CCNE1: variants seen among roughly 807,000 people sequenced by gnomAD.
The protein encoded by CCNE1 is G1/S-specific cyclin-E1.
Under a neutral mutation model 54.1 loss-of-function variants are expected in CCNE1, and 8 were observed. The observed-to-expected ratio is 0.15, with a 90% CI of 0.09 to 0.27. The LOEUF (loss-of-function observed/expected upper bound fraction) is 0.27, where lower values mean the gene tolerates loss of function less well. Ranked by LOEUF, CCNE1 falls within the 10% of genes least tolerant of loss-of-function variation. CCNE1 has a pLI of 1.00. For synonymous variants in CCNE1, 179 were observed against 185.2 expected (o/e 0.97, Z 0.27); for missense variants, 430 against 514.9 (o/e 0.84, Z 1.60).
rs372635299 is a variant in CCNE1, at chr19:29,820,772, C to T, written c.533C>T (p.Ala178Val). 30 of 1,608,190 alleles carry T rather than the reference C, an allele frequency of 1.9e-5. No individual in the cohort carries two copies. The highest frequency in any genetic ancestry group is 1.8e-5 in the Non-Finnish European group (21 of 1,175,572). Residue 178 changes from alanine (A) to valine (V), a missense_variant, in exon 7 of 12, where the codon GCG (alanine) becomes GTG (valine). Around this residue, in one of 2 missense-constraint regions of CCNE1, gnomAD observed 303 missense variants for 401.1 expected, o/e 0.76. Coordinates refer to ENST00000262643, the MANE Select transcript of CCNE1 (RefSeq NM_001238.4). The part of the protein sequence containing the change: ...LAQDFFDRYM[A>V]TQENVVKTLL... ...CAAGATTTCTTTGACCGGTATATGG[C>T]GACACAAGAAAATGTTGTAAAAACT...
Position 29,816,448 on chromosome 19 carries a change from G to A in CCNE1, c.181-689G>A, listed in dbSNP as rs538528215. Among the ~76,000 whole-genome samples, 5 of 152,248 alleles carry A rather than the reference G, an allele frequency of 3.3e-5. No individual in the cohort carries two copies. The East Asian group carries it at 9.6e-4, about 29-fold the overall frequency. ...ATTTGAATTACCCTGCAAGACTCAG[G>A]AGATTCAGAGGTCTTAAGGAGTGTC... On this transcript the variant is annotated intron_variant, in intron 4 of 11. Coordinates refer to ENST00000262643, the MANE Select transcript of CCNE1 (RefSeq NM_001238.4).
At position 29,817,285 on chromosome 19, in the gene CCNE1, C is replaced by T. The variant is rs760714380; in HGVS notation, c.326+3C>T. On this transcript the variant is annotated splice_donor_region_variant and intron_variant, in intron 5 of 11. Coordinates refer to ENST00000262643, the MANE Select transcript of CCNE1 (RefSeq NM_001238.4). ...GGCTCCCCGCTGCCTGTACTGAGGT[C>T]AGTGCCGACTCTGCCACATGGCTTC... 5.6e-6 allele frequency: 9 copies of T among 1,614,152 alleles called. No individual in the cohort carries two copies. Among genetic ancestry groups the T allele is most frequent in the South Asian group, 1.1e-5 (1 of 91,072 alleles).
chr19:29,822,238 A>G lies in CCNE1; in HGVS notation c.841-2A>G. On this transcript the variant is annotated splice_acceptor_variant, in intron 9 of 11. Coordinates refer to ENST00000262643, the MANE Select transcript of CCNE1 (RefSeq NM_001238.4). LOFTEE classifies it high-confidence loss of function. ...ATCTCAGCGTTCTTTTCTTCTCCGT[A>G]GCTGTTGGATCTCTGTGTCCTGGAT... The G allele has an allele frequency of 6.2e-7, 1 of 1,613,164 alleles. No individual in the cohort carries two copies. The highest frequency in any genetic ancestry group is 1.1e-5 in the South Asian group (1 of 91,066).
intron 6 of CCNE1, among the ~76,000 whole-genome samples, chr19:29,817,857 C>CTTTTTTTTTTT (rs34598025): frequency 5.2e-5 from 5 of 95,910 alleles, no homozygotes; most frequent in African/African-American, 1.3e-4. Context: ...CATTAAATTG[C>CTTTTTTTTTTT]TTTTTTTTTT....
Position 29,823,808 on chromosome 19 carries a change from GC to G in CCNE1, c.*32del, listed in dbSNP as rs1182857220. ...CCATCCTTCTCCACCAAAGACAGTT[GC>G]GCGCCTGCTCCACGTTCTCTTCTGT... is the stretch of plus-strand genomic sequence containing the variant. On this transcript the variant is annotated 3_prime_UTR_variant, in exon 12 of 12. Coordinates refer to ENST00000262643, the MANE Select transcript of CCNE1 (RefSeq NM_001238.4). The G allele has an allele frequency of 6.3e-7, 1 of 1,585,152 alleles. No individual in the cohort carries two copies. Among genetic ancestry groups the G allele is most frequent in the Admixed American group, 1.8e-5 (1 of 56,004 alleles).
At chr19:29,820,050 C>G (rs938153213) in intron 6 of CCNE1, among the ~76,000 whole-genome samples, 2 of 152,252 alleles carry the variant, frequency 1.3e-5, no homozygotes, top group African/African-American at 4.8e-5. Flanking sequence ...ACTACTCTTG[C>G]CCTGTGGGGC....
chr19:29,819,056 C>T (rs892337432), intron 6 of CCNE1, among the ~76,000 whole-genome samples: 10 of 152,140 alleles, frequency 6.6e-5, no homozygotes, highest in African/African-American at 2.4e-4. Context: ...AGCCACTGCG[C>T]CTGGCCCTTG....
chr19:29,814,027 C>T (rs981797971), intron 4 of CCNE1, among the ~76,000 whole-genome samples: 2 of 152,164 alleles, frequency 1.3e-5, no homozygotes, highest in East Asian at 1.9e-4. Context: ...CAACGCAGTG[C>T]GCCGTGTTCT....
At chr19:29,813,576 T>C (rs997669) in intron 4 of CCNE1, among the ~76,000 whole-genome samples, 44,822 of 152,038 alleles carry the variant, frequency 0.29, 7,762 homozygotes, top group Non-Finnish European at 0.4. Context: ...TGGAAGTTCT[T>C]ATAGCCCCTC....
At chr19:29,818,350 C>T (rs147117444) in intron 6 of CCNE1, among the ~76,000 whole-genome samples, 1,926 of 152,012 alleles carry the variant, frequency 0.013, 22 homozygotes, top group Non-Finnish European at 0.016. Context: ...TTAGAAGAAA[C>T]GGGGTTTCAC....
chr19:29,818,026 ATTTTT>A (rs35607816), intron 6 of CCNE1, among the ~76,000 whole-genome samples: 1 of 84,562 alleles, frequency 1.2e-5, no homozygotes, highest in African/African-American at 4.5e-5. Context: ...CACGCCCAGT[ATTTTT>A]TTTTTTTTTT....
At chr19:29,813,902 G>A (rs1348185777) in intron 4 of CCNE1, among the ~76,000 whole-genome samples, 3 of 152,126 alleles carry the variant, frequency 2.0e-5, no homozygotes, top group African/African-American at 7.2e-5. Flanking sequence ...ACAGATAAAC[G>A]CTGAACAGAA....
At chr19:29,812,601 C>A in intron 2 of CCNE1, 23 bp downstream of exon 2, 1 of 1,533,556 alleles carries the variant, frequency 6.5e-7, no homozygotes, top group Non-Finnish European at 8.8e-7. Context: ...GCCGCGGGGC[C>A]GGACGGGACG....
At chr19:29,818,251 C>T (rs930385996) in intron 6 of CCNE1, among the ~76,000 whole-genome samples, 1 of 152,178 alleles carries the variant, frequency 6.6e-6, no homozygotes. Context: ...TGGTCTCGAT[C>T]TCCTGACCTC....
chr19:29,822,449 A>G lies in CCNE1; in HGVS notation c.956A>G (p.Tyr319Cys). 1 of 1,613,996 alleles carries G rather than the reference A, an allele frequency of 6.2e-7. No homozygotes were observed. Among genetic ancestry groups the G allele is most frequent in the Non-Finnish European group, 8.5e-7 (1 of 1,179,898 alleles). Reference sequence around the variant, plus strand: ...GCCCACGATGTCTTCACTGCAGGGTATCAGTGGTGCGACATAGAGAACTGT... The same window carrying G: ...GCCCACGATGTCTTCACTGCAGGGTGTCAGTGGTGCGACATAGAGAACTGT... ...SSELMQKVSG[Y>C]QWCDIENCVK... Residue 319 changes from tyrosine (Y) to cysteine (C), a missense_variant, in exon 11 of 12, where the codon TAT (tyrosine) becomes TGT (cysteine). This residue lies in a region of CCNE1 where 303 missense variants were observed against 401.1 expected (regional missense o/e 0.76). Coordinates refer to ENST00000262643, the MANE Select transcript of CCNE1 (RefSeq NM_001238.4).
intron 7 of CCNE1, 82 bp from the exon 8 acceptor site, chr19:29,821,640 G>A (rs1974148598): frequency 1.4e-6 from 1 of 699,180 alleles, no homozygotes. Context: ...CCAGGGTACT[G>A]AGAAGTCATT....
chr19:29,815,370 G>T (rs1018190788), intron 4 of CCNE1, among the ~76,000 whole-genome samples: 10 of 152,334 alleles, frequency 6.6e-5, no homozygotes, highest in African/African-American at 2.4e-4. Flanking sequence ...AGCCTTGCTC[G>T]CACAGCTGTT....
rs1352246042 is a variant in CCNE1 at position 29,817,463 on chromosome 19, A to G, written c.384A>G (p.Leu128=). 1 of 1,614,080 alleles carries G rather than the reference A, an allele frequency of 6.2e-7. No homozygotes were observed. Among genetic ancestry groups the G allele is most frequent in the East Asian group, 2.2e-5 (1 of 44,906 alleles). The part of the protein sequence containing the change: ...KIMLNKEKTY[L]RDQHFLEQHP... The stretch of plus-strand genomic sequence containing the variant: ...TGTTAAACAAGGAAAAGACATACTT[A>G]AGGGATCAGCACTTTCTTGAGCAAC... Residue 128 remains leucine, a synonymous_variant, in exon 6 of 12, where the codon TTA becomes TTG. Transcript: ENST00000262643.
chr19:29,817,110 C>T (rs566527651), intron 4 of CCNE1, 27 bp from the exon 5 acceptor site: 1 of 1,609,546 alleles, frequency 6.2e-7, no homozygotes, highest in African/African-American at 1.3e-5. Flanking sequence ...TCTTATCTCA[C>T]CTCTCCTGTG....
Sources: allele counts gnomAD v4.1 joint callset (sites outside exome capture counted in the v4.1 genomes callset), GRCh38; gene constraint gnomAD v4.1.1; regional missense constraint gnomAD v4.1.1; transcripts MANE v1.5; gene names NCBI Gene and HGNC (gene_info 2026-07-23, HGNC 2026-07-21).